CDCA8: variants seen among roughly 807,000 people sequenced by gnomAD.
CDCA8 encodes borealin.
A neutral mutation model predicts 40.0 loss-of-function variants in CDCA8; 25 were observed. The observed-to-expected ratio is 0.63, with a 90% CI of 0.46 to 0.87. The LOEUF is 0.87. CDCA8 is among the 40% of genes least tolerant of loss of function. The probability of loss-of-function intolerance (pLI) is 0.00; values close to 1 mark genes in which losing one functional copy is unlikely to be tolerated. For missense variants in CDCA8, 280 were observed against 348.4 expected (o/e 0.80, Z 1.56); for synonymous variants, 111 against 126.5 (o/e 0.88, Z 0.82).
At chr1:37,700,095 G>C (rs1025142615) in intron 4 of CDCA8, among the ~76,000 whole-genome samples, 1 of 152,184 alleles carries the variant, frequency 6.6e-6, no homozygotes, top group African/African-American at 2.4e-5. Context: ...TAATGTCACT[G>C]TCATTAAGCT....
rs1645483559 is a variant in CDCA8 at position 37,693,045 on chromosome 1, A to G, written c.223+12A>G. On this transcript the variant is annotated intron_variant, in intron 2 of 9. Transcript: ENST00000373055. ...GCTTGACTACTTCGGTAAGAGCTGGAGAGCTTCCCTGGGCGGAGGCCAGGA... is the reference window on the plus strand; with the variant it reads ...GCTTGACTACTTCGGTAAGAGCTGGGGAGCTTCCCTGGGCGGAGGCCAGGA... 1.2e-6 allele frequency: 2 copies of G among 1,613,506 alleles called. No homozygotes were observed. The highest frequency in any genetic ancestry group is 1.7e-6 in the Non-Finnish European group (2 of 1,179,726).
At chr1:37,705,383 A>G (rs1645591320) in intron 7 of CDCA8, 58 bp from the exon 8 acceptor site, 1 of 1,572,682 alleles carries the variant, frequency 6.4e-7, no homozygotes, top group Non-Finnish European at 8.7e-7. Flanking sequence ...AAAATGGCCT[A>G]TAGAGTTTGG....
intron 4 of CDCA8, among the ~76,000 whole-genome samples, chr1:37,700,162 T>C (rs1645554271): frequency 6.6e-6 from 1 of 152,168 alleles, no homozygotes; most frequent in African/African-American, 2.4e-5. Context: ...GGCCAGGATT[T>C]CGGGGCTACA....
intron 5 of CDCA8, among the ~76,000 whole-genome samples, chr1:37,701,468 A>G (rs1645563294): frequency 6.6e-6 from 1 of 152,146 alleles, no homozygotes; most frequent in Non-Finnish European, 1.5e-5. Context: ...GCAGCCCTTT[A>G]TGTAAAGTAG....
Position 37,701,765 on chromosome 1 carries a change from T to A in CDCA8, c.435T>A (p.Cys145Ter), listed in dbSNP as rs974670997. 1 of 1,612,498 alleles carries A rather than the reference T, an allele frequency of 6.2e-7. No homozygotes were observed. The highest frequency in any genetic ancestry group is 1.3e-5 in the African/African-American group (1 of 74,748). Residue 145 changes from cysteine (C) to a stop codon, truncating the protein, a stop_gained, in exon 6 of 10, where the codon TGT becomes TGA. Transcript: ENST00000373055. LOFTEE classifies it high-confidence loss of function. Reference protein sequence around the residue: ...KNLQTARVKRCPPSKKRTQSI... With the variant: ...KNLQTARVKR ...GATTGTGACTGCAGGTCAAAAGGTG[T>A]CCTCCATCCAAGAAGAGAACTCAGT...
chr1:37,693,140 A>AC, intron 2 of CDCA8, 107 bp downstream of exon 2: 3 of 827,508 alleles, frequency 3.6e-6, no homozygotes, highest in South Asian at 1.8e-5. Flanking sequence ...GAGATCTGAC[A>AC]TGACCACTTA....
At chr1:37,699,548 G>A (rs2148287620) in intron 4 of CDCA8, among the ~76,000 whole-genome samples, 1 of 150,696 alleles carries the variant, frequency 6.6e-6, no homozygotes, top group South Asian at 2.1e-4. Context: ...CCTGGGCAAT[G>A]TAGTGAGACC....
At chr1:37,698,630 G>A (rs1645542659) in intron 3 of CDCA8, among the ~76,000 whole-genome samples, 1 of 152,154 alleles carries the variant, frequency 6.6e-6, no homozygotes, top group South Asian at 2.1e-4. Flanking sequence ...GTTACCCCTG[G>A]GGAATGAAGG....
intron 7 of CDCA8, 49 bp from the exon 8 acceptor site, chr1:37,705,392 G>A (rs1645591373): frequency 6.3e-7 from 1 of 1,593,030 alleles, no homozygotes; most frequent in Admixed American, 1.7e-5. Context: ...TATAGAGTTT[G>A]GTGTCATCCA....
intron 9 of CDCA8, among the ~76,000 whole-genome samples, chr1:37,707,558 G>A (rs532220850): frequency 1.7e-4 from 25 of 148,354 alleles, no homozygotes; most frequent in Non-Finnish European, 3.3e-4. Context: ...TCCAGGTTCT[G>A]TGCTTACTTA....
At chr1:37,704,630 T>C (rs1645586397) in intron 7 of CDCA8, among the ~76,000 whole-genome samples, 1 of 150,132 alleles carries the variant, frequency 6.7e-6, no homozygotes, top group East Asian at 2.0e-4. Context: ...CTACTTTTAA[T>C]TGCCACTTTT....
intron 7 of CDCA8, 83 bp from the exon 8 acceptor site, chr1:37,705,358 G>C: frequency 1.5e-6 from 2 of 1,318,326 alleles, no homozygotes; most frequent in Non-Finnish European, 2.1e-6. Flanking sequence ...TGCAACTTGA[G>C]GCCAGAGTAA....
At chr1:37,693,622 C>T (rs1397801446) in intron 2 of CDCA8, among the ~76,000 whole-genome samples, 1 of 152,034 alleles carries the variant, frequency 6.6e-6, no homozygotes, top group East Asian at 1.9e-4. Flanking sequence ...TGGTCTCGAA[C>T]TCCTGACCTC....
chr1:37,702,909 G>A (rs368480703), intron 6 of CDCA8, among the ~76,000 whole-genome samples: 3 of 147,214 alleles, frequency 2.0e-5, no homozygotes, highest in African/African-American at 7.6e-5. Context: ...CCAAGATTAC[G>A]CCATTGCACT....
At chr1:37,699,599 AG>A (rs71722477) in intron 4 of CDCA8, among the ~76,000 whole-genome samples, 1 of 35,886 alleles carries the variant, frequency 2.8e-5, no homozygotes, top group African/African-American at 1.9e-4. Flanking sequence ...AGGAAAGGAA[AG>A]GAAAGGAAAG....
intron 5 of CDCA8, among the ~76,000 whole-genome samples, chr1:37,700,947 G>A (rs760458875): frequency 5.9e-5 from 9 of 152,204 alleles, no homozygotes; most frequent in Non-Finnish European, 1.3e-4. Flanking sequence ...AGAAAAGGAG[G>A]AATCAGAGAC....
In CDCA8 at chr1:37,692,597, C is replaced by A; in HGVS notation, c.-94C>A. On this transcript the variant is annotated 5_prime_UTR_variant, in exon 1 of 10. Transcript: ENST00000373055. ...ACCGCAGGTACGTGCCTGGCGACTT[C>A]TTCGGGTGGTCCCCGTCCGCCCTCC... 1.0e-6 allele frequency: 1 copy of A among 994,640 alleles called. No homozygotes were observed. Among genetic ancestry groups the A allele is most frequent in the Non-Finnish European group, 1.6e-6 (1 of 641,344 alleles). 61.6% of individuals were successfully genotyped at this position (994,640 alleles called of 1,614,324 possible).
At chr1:37,700,796 T>A (rs1399839422) in intron 5 of CDCA8, among the ~76,000 whole-genome samples, 1 of 152,150 alleles carries the variant, frequency 6.6e-6, no homozygotes, top group Non-Finnish European at 1.5e-5. Flanking sequence ...GGAACAGTAT[T>A]CAGGATAGAT....
At chr1:37,708,274 C>G (rs199881862) in intron 9 of CDCA8, 48 bp from the exon 10 acceptor site, 2 of 1,587,938 alleles carry the variant, frequency 1.3e-6, no homozygotes, top group Non-Finnish European at 1.7e-6. Flanking sequence ...AAGGGGCAAG[C>G]CTGCCAAGTG....
Sources: allele counts gnomAD v4.1 joint callset (sites outside exome capture counted in the v4.1 genomes callset), GRCh38; gene constraint gnomAD v4.1.1; transcripts MANE v1.5; gene names NCBI Gene and HGNC (gene_info 2026-07-23, HGNC 2026-07-21).